Variants in PHF20 observed in about 807,000 individuals in gnomAD.
PHF20 encodes glioma-expressed antigen 2.
A neutral mutation model predicts 113.5 loss-of-function variants in PHF20; 23 were observed. That is an observed-to-expected ratio of 0.20 (90% CI 0.15 to 0.29). The LOEUF (loss-of-function observed/expected upper bound fraction) is 0.29, where lower values mean the gene tolerates loss of function less well. Among genes scored for constraint, PHF20 ranks in the 10% least tolerant of loss-of-function variants. PHF20 has a pLI of 1.00. For synonymous variants in PHF20, 434 were observed against 457.3 expected, an observed-to-expected ratio of 0.95 and a Z score of 0.65; for missense variants, 943 against 1,219.6, an observed-to-expected ratio of 0.77 and a Z score of 3.38.
At chr20:35,878,537 G>T in intron 9 of PHF20, 1 of 673,388 alleles carries the variant, frequency 1.5e-6, no homozygotes, top group South Asian at 1.8e-5. Flanking sequence ...AGCTAAAGAG[G>T]CACCATTCGT....
At chr20:35,886,319 T>C (rs1686881855) in intron 9 of PHF20, among the ~76,000 whole-genome samples, 1 of 151,810 alleles carries the variant, frequency 6.6e-6, no homozygotes, top group Non-Finnish European at 1.5e-5. Context: ...TTTGTAGCTT[T>C]AGTAGAGACT....
intron 15 of PHF20, among the ~76,000 whole-genome samples, chr20:35,934,385 G>A (rs2055823984): frequency 1.3e-5 from 2 of 152,254 alleles, no homozygotes; most frequent in Admixed American, 6.5e-5. Context: ...ATAAATGAAT[G>A]GTTCAAGGCT....
chr20:35,810,932 A>C (rs1018139269), intron 2 of PHF20, among the ~76,000 whole-genome samples: 2 of 152,130 alleles, frequency 1.3e-5, no homozygotes, highest in Non-Finnish European at 2.9e-5. Flanking sequence ...TATAGTAGAT[A>C]GTATTGCTGC....
chr20:35,783,030 T>C (rs78464599), intron 1 of PHF20, among the ~76,000 whole-genome samples: 1 of 151,662 alleles, frequency 6.6e-6, no homozygotes, highest in African/African-American at 2.4e-5. Flanking sequence ...CTCATCTCTA[T>C]AACACAGAAA....
chr20:35,804,762 G>A (rs558935036), intron 2 of PHF20, among the ~76,000 whole-genome samples: 2 of 152,048 alleles, frequency 1.3e-5, no homozygotes, highest in Admixed American at 1.3e-4. Flanking sequence ...CTGTGTGAAT[G>A]TCTCTTTGTG....
chr20:35,865,509 T>G (rs1402506096), intron 6 of PHF20, among the ~76,000 whole-genome samples: 1 of 112,468 alleles, frequency 8.9e-6, no homozygotes, highest in Admixed American at 9.1e-5. Context: ...TTTTTTTTTT[T>G]TTTTTTTTTT....
rs1165415916 is a variant in PHF20, at chr20:35,825,131, A to G, written c.84-17442A>G. The stretch of plus-strand genomic sequence containing the variant: ...CTGTTTAACCTTTTGAGGAACTGCT[A>G]AATTGCTTTTCGTAGTAGCTGCACC... On this transcript the variant is annotated intron_variant, in intron 2 of 17. Coordinates refer to ENST00000374012, the MANE Select transcript of PHF20 (RefSeq NM_016436.5). Among the ~76,000 whole-genome samples the G allele has an allele frequency of 1.3e-5, 2 of 152,204 alleles. 1 individual carries two copies. The highest frequency in any genetic ancestry group is 3.8e-4 in the East Asian group (2 of 5,204).
In PHF20 at chr20:35,939,068, G is replaced by A. The variant is rs1303091960; in HGVS notation, c.2672G>A (p.Arg891Lys). The A allele has an allele frequency of 2.5e-6, 4 of 1,613,466 alleles. No individual in the cohort carries two copies. Among genetic ancestry groups the A allele is most frequent in the Non-Finnish European group, 3.4e-6 (4 of 1,179,554 alleles). Residue 891 changes from arginine to lysine, a missense_variant, in exon 16 of 18, where the codon AGG (arginine) becomes AAG (lysine). Physicochemically the swap from Arg to Lys is conservative, Grantham distance 26. Transcript: ENST00000374012. ...CTGGGCTGGCCTCTAGACCAAGACA[G>A]GAGCAAGGGGGACAGTGACCCCAAA... is the stretch of plus-strand genomic sequence containing the variant. ...PRLGWPLDQD[R>K]SKGDSDPKPG...
chr20:35,814,886 AAAAAT>A (rs1568601687), intron 2 of PHF20, among the ~76,000 whole-genome samples: 3 of 146,144 alleles, frequency 2.1e-5, no homozygotes, highest in East Asian at 4.0e-4. Flanking sequence ...AAAAAAAAAA[AAAAAT>A]AAAATAAATA....
At chr20:35,854,622 T>C (rs1032345132) in intron 4 of PHF20, among the ~76,000 whole-genome samples, 1 of 151,774 alleles carries the variant, frequency 6.6e-6, no homozygotes, top group African/African-American at 2.4e-5. Context: ...AAGATGATCC[T>C]TTGTAGTCCT....
chr20:35,804,229 G>GTT (rs1216930263), intron 2 of PHF20, among the ~76,000 whole-genome samples: 2,719 of 99,470 alleles, frequency 0.027, 65 homozygotes, highest in African/African-American at 0.044. Context: ...GCTACTGTAT[G>GTT]TTTTTTTTTT....
chr20:35,847,815 T>G (rs2042649806), intron 4 of PHF20, among the ~76,000 whole-genome samples: 1 of 152,180 alleles, frequency 6.6e-6, no homozygotes, highest in South Asian at 2.1e-4. Context: ...AAAATGTGCT[T>G]TCTAGATGCA....
intron 2 of PHF20, among the ~76,000 whole-genome samples, chr20:35,813,856 T>C (rs2042018645): frequency 6.7e-6 from 1 of 148,460 alleles, no homozygotes; most frequent in African/African-American, 2.5e-5. Flanking sequence ...GATCACACCA[T>C]TGCACTCCAG....
At chr20:35,821,456 G>A (rs2042167121) in intron 2 of PHF20, among the ~76,000 whole-genome samples, 1 of 146,876 alleles carries the variant, frequency 6.8e-6, no homozygotes, top group Admixed American at 6.9e-5. Flanking sequence ...GGGGCTGTGA[G>A]CCTAGGCAAT....
chr20:35,926,928 T>C (rs902515171), intron 13 of PHF20, among the ~76,000 whole-genome samples: 1 of 152,218 alleles, frequency 6.6e-6, no homozygotes, highest in Non-Finnish European at 1.5e-5. Context: ...TTGGAATTGC[T>C]TGAAGTGCCC....
At chr20:35,822,210 T>C (rs1005504031) in intron 2 of PHF20, among the ~76,000 whole-genome samples, 50 of 152,032 alleles carry the variant, frequency 3.3e-4, no homozygotes, top group African/African-American at 1.1e-3. Context: ...GAGACCAACC[T>C]GTGCAACATA....
Position 35,895,930 on chromosome 20 carries a change from G to A in PHF20, c.1283-3440G>A, listed in dbSNP as rs1339883014. On this transcript the variant is annotated intron_variant, in intron 9 of 17. Coordinates refer to ENST00000374012, the MANE Select transcript of PHF20 (RefSeq NM_016436.5). The stretch of plus-strand genomic sequence containing the variant: ...TGGAATTCCCGACGTCATATGATCC[G>A]CCTGCCTTGGTCTCCCAAAGTGCTA... Among the ~76,000 whole-genome samples, 7 of 152,156 alleles carry A rather than the reference G, an allele frequency of 4.6e-5. No homozygotes were observed. In the South Asian group the frequency reaches 6.2e-4, roughly 14 times the overall value.
Position 35,842,606 on chromosome 20 carries a change from G to A in PHF20, c.117G>A (p.Glu39=). The A allele has an allele frequency of 6.2e-7, 1 of 1,613,802 alleles. No homozygotes were observed. The highest frequency in any genetic ancestry group is 1.1e-5 in the South Asian group (1 of 91,028). The change falls in exon 3 of 18, where the codon GAG becomes GAA. Residue 39 remains glutamate (E), a synonymous_variant. Coordinates refer to ENST00000374012, the MANE Select transcript of PHF20 (RefSeq NM_016436.5). ...YPAHIEDIDY[E]EGKVLIHFKR... ...CTCACATAGAAGACATTGACTACGA[G>A]GAAGGAAAAGTACTCATCCATTTCA...
At chr20:35,827,844 C>T (rs1040134354) in intron 2 of PHF20, among the ~76,000 whole-genome samples, 2 of 150,858 alleles carry the variant, frequency 1.3e-5, no homozygotes, top group Non-Finnish European at 2.9e-5. Flanking sequence ...ATGTAGATAT[C>T]GATCTTGATT....
Sources: gnomAD v4.1 joint callset for allele counts (sites outside exome capture counted in the v4.1 genomes callset) on GRCh38, gnomAD v4.1.1 for gene constraint, MANE v1.5 for transcripts, NCBI Gene and HGNC (gene_info 2026-07-23, HGNC 2026-07-21) for gene names.